Variants in VASH1 observed in about 807,000 individuals in gnomAD.
VASH1 encodes tubulinyl-Tyr carboxypeptidase 1.
VASH1 carries 16 observed loss-of-function variants against 35.0 expected under a neutral mutation model. The observed-to-expected ratio is 0.46, with a 90% CI of 0.31 to 0.70. VASH1 has a LOEUF of 0.70. Ranked by LOEUF, VASH1 falls within the 30% of genes least tolerant of loss-of-function variation. VASH1 has a pLI of 0.05. For synonymous variants in VASH1, 214 were observed against 200.9 expected (o/e 1.07, Z -0.55); for missense variants, 505 against 510.7 (o/e 0.99, Z 0.11).
At chr14:76,777,584 G>A (rs1019515653) in intron 5 of VASH1, among the ~76,000 whole-genome samples, 1 of 152,168 alleles carries the variant, frequency 6.6e-6, no homozygotes, top group Non-Finnish European at 1.5e-5. Context: ...TCAATGGCTG[G>A]AGATACCCAG....
At chr14:76,772,244 G>GAAAAGA (rs561575814) in intron 3 of VASH1, among the ~76,000 whole-genome samples, 17 of 152,038 alleles carry the variant, frequency 1.1e-4, no homozygotes, top group Admixed American at 3.9e-4. Context: ...TGTCTCAAAA[G>GAAAAGA]AAAAGAAAAA....
At chr14:76,776,342 G>A in intron 5 of VASH1, 69 bp downstream of exon 5, 1 of 1,464,632 alleles carries the variant, frequency 6.8e-7, no homozygotes, top group South Asian at 1.4e-5. Context: ...GGCGATGTGA[G>A]GATTGAGAGG....
At chr14:76,772,713 TG>T (rs1160566399) in intron 3 of VASH1, among the ~76,000 whole-genome samples, 2 of 152,222 alleles carry the variant, frequency 1.3e-5, no homozygotes, top group African/African-American at 4.8e-5. Flanking sequence ...AAGCCATGGT[TG>T]GGTCAGTGGT....
At chr14:76,772,815 G>T (rs983874186) in intron 3 of VASH1, among the ~76,000 whole-genome samples, 2 of 152,246 alleles carry the variant, frequency 1.3e-5, no homozygotes, top group Non-Finnish European at 2.9e-5. Context: ...TGGCTGGAGA[G>T]AAGTTGCCCC....
intron 5 of VASH1, among the ~76,000 whole-genome samples, chr14:76,777,121 G>C (rs544045487): frequency 6.6e-6 from 1 of 152,346 alleles, no homozygotes; most frequent in African/African-American, 2.4e-5. Context: ...GGTGCCTGCA[G>C]GTGTCCTGGC....
chr14:76,776,578 C>T (rs1595278454), intron 5 of VASH1, among the ~76,000 whole-genome samples: 2 of 152,188 alleles, frequency 1.3e-5, no homozygotes, highest in Non-Finnish European at 2.9e-5. Flanking sequence ...CCTCCCCACT[C>T]CTCCTGTAAC....
In VASH1 at chr14:76,764,090, A is replaced by G. The variant is rs1202721201; in HGVS notation, c.309+960A>G. On this transcript the variant is annotated intron_variant, in intron 1 of 6. Coordinates refer to ENST00000167106, the MANE Select transcript of VASH1 (RefSeq NM_014909.5). ...AAATCTCCAAAAAAGAGCCCTTTGGACTGAGTTCAGAGCCCAGTGCTTAGC... is the reference window on the plus strand; with the variant it reads ...AAATCTCCAAAAAAGAGCCCTTTGGGCTGAGTTCAGAGCCCAGTGCTTAGC... Among the ~76,000 whole-genome samples the G allele has an allele frequency of 2.0e-5, 3 of 151,522 alleles. No homozygotes were observed. In the East Asian group the frequency reaches 5.8e-4, roughly 29 times the overall value.
At chr14:76,772,665 G>C (rs146166890) in intron 3 of VASH1, among the ~76,000 whole-genome samples, 1 of 152,252 alleles carries the variant, frequency 6.6e-6, no homozygotes, top group Admixed American at 6.5e-5. Flanking sequence ...AGGCAGCTGC[G>C]GGGAGGCAGT....
At chr14:76,772,938 C>T (rs1177058119) in intron 3 of VASH1, among the ~76,000 whole-genome samples, 199 bp from the exon 4 acceptor site, 2 of 152,142 alleles carry the variant, frequency 1.3e-5, no homozygotes, top group East Asian at 1.9e-4. Context: ...CAGCAGTGGC[C>T]GCCTCTTTCC....
At chr14:76,778,595 G>A (rs1894011881) in intron 6 of VASH1, among the ~76,000 whole-genome samples, 1 of 152,172 alleles carries the variant, frequency 6.6e-6, no homozygotes, top group South Asian at 2.1e-4. Context: ...TACTAAGCAG[G>A]CCTCTGGCAC....
intron 1 of VASH1, among the ~76,000 whole-genome samples, chr14:76,765,543 G>C (rs1893620682): frequency 1.3e-5 from 2 of 152,138 alleles, no homozygotes; most frequent in African/African-American, 4.8e-5. Context: ...TGGGTGCCAG[G>C]GTGCCAGTGG....
At position 76,779,563 on chromosome 14, in the gene VASH1, C is replaced by T. The variant is rs1345319054; in HGVS notation, c.*545C>T. ...TCCTTCTGAGAAAGGTCTGTGTAGC[C>T]CATTAACCAGGAGCTTGGCACAGGC... On this transcript the variant is annotated 3_prime_UTR_variant, in exon 7 of 7. Coordinates refer to ENST00000167106, the MANE Select transcript of VASH1 (RefSeq NM_014909.5). 1.5e-6 allele frequency: 1 copy of T among 668,082 alleles called. No individual in the cohort carries two copies. The highest frequency in any genetic ancestry group is 1.6e-5 in the South Asian group (1 of 60,894). The allele number at this position is 668,082 out of a possible 1,614,324, so 41.4% of individuals were successfully genotyped here.
chr14:76,766,160 C>A (rs189332602), intron 1 of VASH1, among the ~76,000 whole-genome samples: 463 of 152,254 alleles, frequency 3.0e-3, no homozygotes, highest in Non-Finnish European at 4.1e-3. Flanking sequence ...ATCGACACCC[C>A]ACTAGCGCTT....
At chr14:76,770,542 C>G (rs1257857483) in intron 2 of VASH1, among the ~76,000 whole-genome samples, 2 of 152,066 alleles carry the variant, frequency 1.3e-5, no homozygotes, top group Non-Finnish European at 2.9e-5. Flanking sequence ...CTTTTTTTCC[C>G]TGGCAGTAGG....
At chr14:76,771,111 C>G in intron 2 of VASH1, 79 bp from the exon 3 acceptor site, 2 of 1,358,592 alleles carry the variant, frequency 1.5e-6, no homozygotes, top group Non-Finnish European at 2.0e-6. Context: ...AGACTTGGCT[C>G]TTGAGCTTCA....
At chr14:76,777,715 T>TC (rs1414708310) in intron 5 of VASH1, among the ~76,000 whole-genome samples, 2 of 152,012 alleles carry the variant, frequency 1.3e-5, no homozygotes, top group Non-Finnish European at 2.9e-5. Context: ...CTCAGTGACT[T>TC]CCCCCACTTC....
intron 4 of VASH1, among the ~76,000 whole-genome samples, chr14:76,775,415 G>A (rs551513627): frequency 1.3e-5 from 2 of 152,230 alleles, no homozygotes; most frequent in East Asian, 1.9e-4. Context: ...AGTAGTACAC[G>A]TGATTGTATT....
intron 3 of VASH1, among the ~76,000 whole-genome samples, chr14:76,771,765 T>G (rs1893800554): frequency 6.6e-6 from 1 of 151,742 alleles, no homozygotes; most frequent in South Asian, 2.1e-4. Flanking sequence ...GGAGAGAATG[T>G]TGCATCTCTC....
At chr14:76,767,946 C>T (rs796514521) in intron 1 of VASH1, among the ~76,000 whole-genome samples, 38 of 152,316 alleles carry the variant, frequency 2.5e-4, no homozygotes, top group South Asian at 8.3e-4. Context: ...CCAGGCCTGG[C>T]TCTGGGTGAA....
Sources: allele counts gnomAD v4.1 joint callset (sites outside exome capture counted in the v4.1 genomes callset), GRCh38; gene constraint gnomAD v4.1.1; transcripts MANE v1.5; gene names NCBI Gene and HGNC (gene_info 2026-07-23, HGNC 2026-07-21).